The following SLCO1A2 variants were observed in gnomAD, a reference collection of about 807,000 sequenced individuals.
The protein encoded by SLCO1A2 is solute carrier organic anion transporter family member 1A2, also known as OATP-1.
Under a neutral mutation model 69.0 loss-of-function variants are expected in SLCO1A2, and 67 were observed. The observed-to-expected ratio is 0.97, with a 90% CI of 0.80 to 1.19. The LOEUF (loss-of-function observed/expected upper bound fraction) is 1.19. Ranked by LOEUF, SLCO1A2 falls within the 50% of genes most tolerant of loss-of-function variation. The probability of loss-of-function intolerance (pLI) is 0.00; values close to 1 mark genes in which losing one functional copy is unlikely to be tolerated. For synonymous variants in SLCO1A2, 260 were observed against 265.9 expected (o/e 0.98, Z 0.22); for missense variants, 787 against 793.7 (o/e 0.99, Z 0.10).
At chr12:21,379,198 A>C (rs2137117205) in intron 1 of SLCO1A2, 1 of 152,356 alleles carries the variant, frequency 6.6e-6, no homozygotes, top group East Asian at 1.9e-4. Flanking sequence ...CTGTTTTAAA[A>C]ACAAAGAAAT....
intron 2 of SLCO1A2, among the ~76,000 whole-genome samples, chr12:21,356,050 A>G (rs1938336971): frequency 1.3e-5 from 2 of 152,188 alleles, no homozygotes; most frequent in East Asian, 3.9e-4. Flanking sequence ...GGCATCAAAT[A>G]AAGACCCTGT....
intron 2 of SLCO1A2, among the ~76,000 whole-genome samples, chr12:21,358,384 C>T (rs148374885): frequency 9.2e-5 from 14 of 152,210 alleles, no homozygotes; most frequent in African/African-American, 3.1e-4. Flanking sequence ...TATTTTTCCT[C>T]TCCAAAAAAT....
chr12:21,312,018 GGGA>G (rs1950251462), intron 4 of SLCO1A2, among the ~76,000 whole-genome samples: 1 of 150,472 alleles, frequency 6.6e-6, no homozygotes, highest in African/African-American at 2.5e-5. Context: ...AAGAGGAGGA[GGGA>G]GGAGGAGAAG....
chr12:21,312,051 G>A (rs901586084), intron 4 of SLCO1A2, among the ~76,000 whole-genome samples: 2 of 148,312 alleles, frequency 1.3e-5, no homozygotes, highest in African/African-American at 5.2e-5. Flanking sequence ...AAGAAGAAGA[G>A]GAGGAGAAGA....
intron 2 of SLCO1A2, among the ~76,000 whole-genome samples, chr12:21,345,582 G>A (rs945128993): frequency 1.3e-5 from 2 of 151,998 alleles, no homozygotes; most frequent in African/African-American, 4.8e-5. Context: ...ATTTTAAATT[G>A]GTTTTTATTA....
intron 2 of SLCO1A2, among the ~76,000 whole-genome samples, chr12:21,323,179 T>A (rs2219791): frequency 0.22 from 33,907 of 152,148 alleles, 4,114 homozygotes; most frequent in East Asian, 0.35. Context: ...TTCTATGCAT[T>A]GAGCTACTAT....
rs1432492062 is a variant in SLCO1A2, at chr12:21,300,473, G to A, written c.785C>T (p.Pro262Leu). 5.0e-6 allele frequency: 8 copies of A among 1,613,514 alleles called. No homozygotes were observed. Among genetic ancestry groups the A allele is most frequent in the Non-Finnish European group, 6.8e-6 (8 of 1,179,754 alleles). Residue 262 changes from proline to leucine, a missense_variant, in exon 8 of 15, where the codon CCT (proline) becomes CTT (leucine). Coordinates refer to ENST00000683939, the MANE Select transcript of SLCO1A2 (RefSeq NM_001386879.1). ...CAGVNVLTAI[P>L]FFFLPNTLPK... ...AAGTGTGTTGGGCAAAAAGAAAAAAGGAATGGCAGTGAGCACGTTAACTCC... is the reference window on the plus strand; with the variant it reads ...AAGTGTGTTGGGCAAAAAGAAAAAAAGAATGGCAGTGAGCACGTTAACTCC...
At position 21,308,209 on chromosome 12, in the gene SLCO1A2, A is replaced by C. The variant is rs12296619; in HGVS notation, c.336-1221T>G. Among the ~76,000 whole-genome samples the C allele has an allele frequency of 5.7e-3, 868 of 152,340 alleles. 5 individuals are homozygous for C. Among genetic ancestry groups the C allele is most frequent in the African/African-American group, 0.017 (696 of 41,576 alleles). On this transcript the variant is annotated intron_variant, in intron 4 of 14. Coordinates refer to ENST00000683939, the MANE Select transcript of SLCO1A2 (RefSeq NM_001386879.1). ...CTATTCATTCCCAAAGCATCAGCAA[A>C]ATGACGGTAAATAGATTTTCAAACA...
At chr12:21,350,661 C>T (rs1937866242) in intron 2 of SLCO1A2, among the ~76,000 whole-genome samples, 1 of 151,300 alleles carries the variant, frequency 6.6e-6, no homozygotes, top group Non-Finnish European at 1.5e-5. Flanking sequence ...ATGGTGAAAC[C>T]CCGTCTCTAC....
chr12:21,419,462 G>C (rs201591986), upstream of SLCO1A2: 76 of 153,122 alleles, frequency 5.0e-4, no homozygotes, highest in East Asian at 0.011. Context: ...GGTGACGGAC[G>C]GCACCTGGAA....
At chr12:21,313,744 G>A (rs1235013409) in intron 4 of SLCO1A2, among the ~76,000 whole-genome samples, 1 of 151,702 alleles carries the variant, frequency 6.6e-6, no homozygotes, top group African/African-American at 2.4e-5. Flanking sequence ...GCCGAGGCGG[G>A]CGGGTCACGA....
chr12:21,294,133 C>G, intron 10 of SLCO1A2, 23 bp from the exon 11 acceptor site: 1 of 1,517,868 alleles, frequency 6.6e-7, no homozygotes, highest in Non-Finnish European at 8.9e-7. Flanking sequence ...AAAATAATGC[C>G]ATAGATATTA....
chr12:21,291,149 CAA>C (rs1361294933), intron 12 of SLCO1A2, among the ~76,000 whole-genome samples: 1 of 152,226 alleles, frequency 6.6e-6, no homozygotes, highest in East Asian at 1.9e-4. Context: ...GTCAACATCA[CAA>C]AGTTAGATAA....
chr12:21,284,389 C>A (rs562652588), intron 12 of SLCO1A2, among the ~76,000 whole-genome samples: 1 of 152,044 alleles, frequency 6.6e-6, no homozygotes, highest in Non-Finnish European at 1.5e-5. Context: ...AGACAGTGGG[C>A]GCAGGCCAAT....
intron 14 of SLCO1A2, chr12:21,274,229 C>T: frequency 5.1e-6 from 2 of 390,386 alleles, no homozygotes. Flanking sequence ...ACGAACAACA[C>T]TTTGAAAGCC....
chr12:21,274,385 CAAAGAA>C (rs1943416340), intron 14 of SLCO1A2, 78 bp downstream of exon 14: 2 of 820,132 alleles, frequency 2.4e-6, no homozygotes, highest in Non-Finnish European at 4.0e-6. Flanking sequence ...TTTCACTTGA[CAAAGAA>C]AAAGTTACGT....
At chr12:21,277,242 G>A (rs1032556422) in intron 12 of SLCO1A2, among the ~76,000 whole-genome samples, 1 of 146,368 alleles carries the variant, frequency 6.8e-6, no homozygotes, top group Non-Finnish European at 1.5e-5. Flanking sequence ...GGGTCATGAG[G>A]TGCCCATTCC....
chr12:21,334,167 G>C lies in SLCO1A2; in HGVS notation c.60+421C>G, dbSNP rs112996768. On this transcript the variant is annotated intron_variant, in intron 2 of 14. Coordinates refer to ENST00000683939, the MANE Select transcript of SLCO1A2 (RefSeq NM_001386879.1). The stretch of plus-strand genomic sequence containing the variant: ...TATTGTTATGTTGCCAAAGCTTAAA[G>C]AAAACATTTGTTTTGCTGGGTAATT... Among the ~76,000 whole-genome samples, 1,044 of 152,180 alleles carry C rather than the reference G, an allele frequency of 6.9e-3. 10 individuals are homozygous for C. The highest frequency in any genetic ancestry group is 0.024 in the African/African-American group (1,003 of 41,554).
At chr12:21,387,027 G>A (rs1940915391) in intron 1 of SLCO1A2, among the ~76,000 whole-genome samples, 1 of 152,192 alleles carries the variant, frequency 6.6e-6, no homozygotes. Context: ...GGGAACTAGA[G>A]CAAAGGTGAC....
Sources: gnomAD v4.1 joint callset for allele counts (sites outside exome capture counted in the v4.1 genomes callset) on GRCh38, gnomAD v4.1.1 for gene constraint, MANE v1.5 for transcripts, NCBI Gene and HGNC (gene_info 2026-07-23, HGNC 2026-07-21) for gene names.